The following C8orf34 variants were observed in gnomAD, a reference collection of about 807,000 sequenced individuals.
The protein encoded by C8orf34 is chromosome 8 open reading frame 34.
Under a neutral mutation model 68.3 loss-of-function variants are expected in C8orf34, and 65 were observed. The ratio of observed to expected loss-of-function variants is 0.95; its 90% CI spans 0.78 to 1.17. The LOEUF is 1.17. C8orf34 is among the 50% of genes most tolerant of loss of function. The pLI is 0.00. For synonymous variants in C8orf34, 244 were observed against 241.2 expected (o/e 1.01, Z -0.11); for missense variants, 664 against 655.4 (o/e 1.01, Z -0.14).
chr8:68,661,207 TG>T (rs1244325922), intron 8 of C8orf34, among the ~76,000 whole-genome samples: 1 of 152,194 alleles, frequency 6.6e-6, no homozygotes. Flanking sequence ...GTAGCAGACA[TG>T]GGGAGCAGAT....
At chr8:68,740,127 G>A (rs1005574837) in intron 10 of C8orf34, among the ~76,000 whole-genome samples, 7 of 152,078 alleles carry the variant, frequency 4.6e-5, no homozygotes, top group South Asian at 2.1e-4. Flanking sequence ...AGACTTAAAT[G>A]TGACACTCAA....
chr8:68,780,312 GT>G lies in C8orf34; in HGVS notation c.1455+3871del, dbSNP rs890883809. On this transcript the variant is annotated intron_variant, in intron 11 of 13. Coordinates refer to ENST00000518698, the MANE Select transcript of C8orf34 (RefSeq NM_052958.4). ...TCATTGATACACCCAATCATCTTTT[GT>G]TTTTTTTCCTAAGTCTTTTACAAAT... Among the ~76,000 whole-genome samples the G allele has an allele frequency of 4.7e-4, 72 of 151,690 alleles. 1 individual carries two copies. Among genetic ancestry groups the G allele is most frequent in the Admixed American group, 4.5e-3 (69 of 15,218 alleles).
At chr8:68,516,732 C>A (rs1251565202) in intron 5 of C8orf34, among the ~76,000 whole-genome samples, 1 of 152,018 alleles carries the variant, frequency 6.6e-6, no homozygotes, top group Admixed American at 6.6e-5. Flanking sequence ...CCTCCTCCTC[C>A]CAGATTCAAG....
At chr8:68,625,615 A>T (rs2130664524) in intron 7 of C8orf34, 1 of 702,128 alleles carries the variant, frequency 1.4e-6, no homozygotes, top group Admixed American at 2.0e-5. Flanking sequence ...CAGGGAGGCA[A>T]CATCCTGTGG....
intron 8 of C8orf34, among the ~76,000 whole-genome samples, chr8:68,658,565 C>A (rs1441378619): frequency 6.6e-6 from 1 of 152,138 alleles, no homozygotes; most frequent in Non-Finnish European, 1.5e-5. Flanking sequence ...AGGTGTCCTG[C>A]CACTTTCTCT....
chr8:68,402,357 A>AT (rs545977152), intron 1 of C8orf34, among the ~76,000 whole-genome samples: 2 of 151,962 alleles, frequency 1.3e-5, no homozygotes, highest in African/African-American at 4.8e-5. Context: ...CGAGGAACTA[A>AT]TTTTTTCTTT....
intron 5 of C8orf34, among the ~76,000 whole-genome samples, chr8:68,508,302 C>A (rs1286734328): frequency 1.3e-5 from 2 of 152,152 alleles, no homozygotes. Context: ...TCATAGATGA[C>A]CATTTTACCA....
intron 1 of C8orf34, among the ~76,000 whole-genome samples, chr8:68,414,966 A>C (rs1036433746): frequency 6.6e-6 from 1 of 152,098 alleles, no homozygotes; most frequent in Non-Finnish European, 1.5e-5. Flanking sequence ...CCAGCTGGGC[A>C]CCTGATCAGT....
chr8:68,472,008 C>T (rs1322439277), intron 4 of C8orf34, among the ~76,000 whole-genome samples: 1 of 151,542 alleles, frequency 6.6e-6, no homozygotes, highest in Non-Finnish European at 1.5e-5. Context: ...CTTCAGTTTG[C>T]AAACATGATT....
chr8:68,664,859 A>G (rs1182876796), intron 8 of C8orf34, among the ~76,000 whole-genome samples: 5 of 152,220 alleles, frequency 3.3e-5, no homozygotes, highest in Admixed American at 6.5e-5. Flanking sequence ...CCCATCTGCT[A>G]TAAAAATATA....
chr8:68,498,746 C>A (rs1586264263), intron 5 of C8orf34, among the ~76,000 whole-genome samples: 1 of 152,074 alleles, frequency 6.6e-6, no homozygotes, highest in East Asian at 1.9e-4. Context: ...TCAGAAATAT[C>A]ATTAAGAACC....
intron 10 of C8orf34, among the ~76,000 whole-genome samples, chr8:68,763,774 G>A (rs561403766): frequency 2.0e-5 from 3 of 152,180 alleles, no homozygotes; most frequent in Admixed American, 6.5e-5. Flanking sequence ...TTCAAGAACT[G>A]TTTTGGAGAG....
At chr8:68,814,392 T>C (rs1824746423) in intron 12 of C8orf34, among the ~76,000 whole-genome samples, 1 of 152,248 alleles carries the variant, frequency 6.6e-6, no homozygotes, top group Non-Finnish European at 1.5e-5. Context: ...GCACCTTTAA[T>C]GTCTTTGGGT....
intron 12 of C8orf34, among the ~76,000 whole-genome samples, chr8:68,814,342 A>C (rs1378968217): frequency 6.6e-6 from 1 of 152,232 alleles, no homozygotes; most frequent in East Asian, 1.9e-4. Context: ...AAATTTAAGA[A>C]CTACTAATAC....
rs147564265 is a variant in C8orf34 at position 68,450,032 on chromosome 8, T to C, written c.607+3572T>C. 3.9e-5 allele frequency among the ~76,000 whole-genome samples: 6 copies of C among 152,248 alleles called. No homozygotes were observed. In the East Asian group the frequency reaches 1.2e-3, roughly 29 times the overall value. ...AACTAAGTTGATGCAATATTTTAAG[T>C]TGATGCAGTATTTTAAGTCACTGCT... On this transcript the variant is annotated intron_variant, in intron 3 of 13. Coordinates refer to ENST00000518698, the MANE Select transcript of C8orf34 (RefSeq NM_052958.4).
At chr8:68,423,421 C>A (rs577865634) in intron 1 of C8orf34, among the ~76,000 whole-genome samples, 27 of 152,296 alleles carry the variant, frequency 1.8e-4, no homozygotes, top group African/African-American at 6.3e-4. Flanking sequence ...CTCACCTCCA[C>A]CTGAGACCAT....
intron 4 of C8orf34, among the ~76,000 whole-genome samples, chr8:68,476,467 A>G (rs1034620208): frequency 1.7e-4 from 26 of 152,340 alleles, no homozygotes; most frequent in African/African-American, 5.5e-4. Context: ...TTTCAAAGAA[A>G]GAGGAAGTTT....
chr8:68,410,866 T>C (rs1487645727), intron 1 of C8orf34, among the ~76,000 whole-genome samples: 6 of 152,166 alleles, frequency 3.9e-5, no homozygotes, highest in African/African-American at 1.2e-4. Flanking sequence ...TCCCAACTAG[T>C]CCAGCTTCTC....
chr8:68,517,535 T>C (rs1814571655), intron 5 of C8orf34, among the ~76,000 whole-genome samples: 1 of 152,166 alleles, frequency 6.6e-6, no homozygotes, highest in Admixed American at 6.5e-5. Context: ...TATTTCTCAC[T>C]AAATTTCTAC....
Sources: allele counts gnomAD v4.1 joint callset (sites outside exome capture counted in the v4.1 genomes callset), GRCh38; gene constraint gnomAD v4.1.1; transcripts MANE v1.5; gene names NCBI Gene and HGNC (gene_info 2026-07-23, HGNC 2026-07-21).